Variants in PRTFDC1 observed in about 807,000 individuals in gnomAD.
PRTFDC1 encodes phosphoribosyltransferase domain-containing protein 1.
PRTFDC1 carries 38 observed loss-of-function variants against 34.6 expected under a neutral mutation model. The ratio of observed to expected loss-of-function variants is 1.10; its 90% confidence interval spans 0.85 to 1.44. The LOEUF (loss-of-function observed/expected upper bound fraction) is 1.44. Among genes scored for constraint, PRTFDC1 ranks in the 40% most tolerant of loss-of-function variants. The pLI, the probability that PRTFDC1 is intolerant of heterozygous loss-of-function variation, is 0.00. For missense variants in PRTFDC1, 270 were observed against 283.0 expected, an observed-to-expected ratio of 0.95 and a Z score of 0.33; for synonymous variants, 93 against 98.1, an observed-to-expected ratio of 0.95 and a Z score of 0.31.
chr10:24,889,789 C>T (rs970852874), intron 3 of PRTFDC1, among the ~76,000 whole-genome samples: 5 of 152,292 alleles, frequency 3.3e-5, no homozygotes, highest in African/African-American at 1.2e-4. Flanking sequence ...TGTTGATTGG[C>T]AGTGCAGGCT....
chr10:24,914,203 T>G (rs1848663754), intron 3 of PRTFDC1, among the ~76,000 whole-genome samples: 1 of 152,216 alleles, frequency 6.6e-6, no homozygotes, highest in African/African-American at 2.4e-5. Flanking sequence ...AACATTGTTT[T>G]AGGACACAGA....
intron 7 of PRTFDC1, among the ~76,000 whole-genome samples, chr10:24,851,796 T>C (rs539913697): frequency 6.6e-6 from 1 of 151,440 alleles, no homozygotes; most frequent in African/African-American, 2.4e-5. Flanking sequence ...AAGCAAGCAG[T>C]ATGCAGTGAT....
chr10:24,909,996 C>CAA (rs35102911), intron 3 of PRTFDC1, among the ~76,000 whole-genome samples: 6 of 135,038 alleles, frequency 4.4e-5, no homozygotes, highest in South Asian at 2.5e-4. Flanking sequence ...ATTAAAAATA[C>CAA]AAAAAAAAAA....
rs146693918 is a variant in PRTFDC1, at chr10:24,852,298, G to A, written c.554-834C>T. Among the ~76,000 whole-genome samples, 1,010 of 152,012 alleles carry A rather than the reference G, an allele frequency of 6.6e-3. 12 individuals are homozygous for A. Among genetic ancestry groups the A allele is most frequent in the African/African-American group, 0.022 (932 of 41,470 alleles). ...TTCCCGAGTAGCTGGGAAGACAGAC[G>A]TGTGCCACCATGCCAGGCTAATTTT... On this transcript the variant is annotated intron_variant, in intron 7 of 8. Coordinates refer to ENST00000320152, the MANE Select transcript of PRTFDC1 (RefSeq NM_020200.7).
At chr10:24,862,198 C>T (rs1318607806) in intron 4 of PRTFDC1, among the ~76,000 whole-genome samples, 1 of 152,064 alleles carries the variant, frequency 6.6e-6, no homozygotes. Flanking sequence ...TAACATCCAA[C>T]AAAAATGATG....
rs566783877 is a variant in PRTFDC1, at chr10:24,923,889, A to G, written c.339+13295T>C. Among the ~76,000 whole-genome samples the G allele has an allele frequency of 1.1e-3, 172 of 152,316 alleles. 2 individuals are homozygous for G. The highest frequency in any genetic ancestry group is 4.0e-3 in the African/African-American group (168 of 41,564). Reference sequence around the variant, plus strand: ...GAACATGTTCTAACTCATCGCAAGGAAGCTAAAAACCTTGAAAAAAGGTTA... The same window carrying G: ...GAACATGTTCTAACTCATCGCAAGGGAGCTAAAAACCTTGAAAAAAGGTTA... On this transcript the variant is annotated intron_variant, in intron 3 of 8. Coordinates refer to ENST00000320152, the MANE Select transcript of PRTFDC1 (RefSeq NM_020200.7).
intron 3 of PRTFDC1, among the ~76,000 whole-genome samples, chr10:24,882,122 G>A (rs1316365418): frequency 6.9e-6 from 1 of 145,792 alleles, no homozygotes; most frequent in African/African-American, 2.6e-5. Flanking sequence ...CAGGAGAATC[G>A]CTTGAATCCG....
intron 3 of PRTFDC1, among the ~76,000 whole-genome samples, chr10:24,877,332 C>A (rs1422653825): frequency 6.6e-6 from 1 of 152,010 alleles, no homozygotes; most frequent in Non-Finnish European, 1.5e-5. Context: ...TCCCACCAGG[C>A]CTAACCATGA....
chr10:24,929,995 A>G (rs1394988079), intron 3 of PRTFDC1, among the ~76,000 whole-genome samples: 1 of 152,156 alleles, frequency 6.6e-6, no homozygotes, highest in African/African-American at 2.4e-5. Flanking sequence ...TTGAAGTTGC[A>G]GTGAGCTATG....
chr10:24,886,383 C>T (rs1168870259), intron 3 of PRTFDC1, among the ~76,000 whole-genome samples: 1 of 152,152 alleles, frequency 6.6e-6, no homozygotes, highest in African/African-American at 2.4e-5. Flanking sequence ...GCCCAAGTTC[C>T]CACAGCTGGG....
intron 1 of PRTFDC1, among the ~76,000 whole-genome samples, chr10:24,947,386 T>C (rs1849266394): frequency 6.6e-6 from 1 of 152,208 alleles, no homozygotes; most frequent in Admixed American, 6.5e-5. Flanking sequence ...ATAACTGTTA[T>C]TCACTTGCTT....
intron 3 of PRTFDC1, among the ~76,000 whole-genome samples, chr10:24,896,359 G>A (rs2132546470): frequency 6.6e-6 from 1 of 152,256 alleles, no homozygotes; most frequent in East Asian, 1.9e-4. Flanking sequence ...GTTTCATCTG[G>A]AAACCATCCC....
At chr10:24,899,444 A>G (rs76381631) in intron 3 of PRTFDC1, among the ~76,000 whole-genome samples, 17,704 of 152,132 alleles carry the variant, frequency 0.12, 1,263 homozygotes, top group East Asian at 0.29. Flanking sequence ...AGCTCTGTAT[A>G]ACTATTCCCG....
At chr10:24,924,137 G>T (rs1848836032) in intron 3 of PRTFDC1, among the ~76,000 whole-genome samples, 1 of 152,212 alleles carries the variant, frequency 6.6e-6, no homozygotes, top group Non-Finnish European at 1.5e-5. Context: ...CAGTCTCCAA[G>T]AAATATAGGA....
chr10:24,902,847 G>T (rs1848470044), intron 3 of PRTFDC1, among the ~76,000 whole-genome samples: 1 of 152,174 alleles, frequency 6.6e-6, no homozygotes, highest in African/African-American at 2.4e-5. Context: ...TTTTAAGAAG[G>T]TCGTGAAAGA....
At chr10:24,853,209 C>T (rs558443433) in intron 7 of PRTFDC1, among the ~76,000 whole-genome samples, 4 of 151,974 alleles carry the variant, frequency 2.6e-5, no homozygotes, top group Non-Finnish European at 5.9e-5. Context: ...AATATGAAGC[C>T]GGGTGCGCAC....
At chr10:24,880,445 A>G (rs1329014496) in intron 3 of PRTFDC1, among the ~76,000 whole-genome samples, 1 of 152,022 alleles carries the variant, frequency 6.6e-6, no homozygotes, top group Non-Finnish European at 1.5e-5. Context: ...TTTAGTAGAG[A>G]TGGGGTTTCA....
intron 3 of PRTFDC1, among the ~76,000 whole-genome samples, chr10:24,919,787 A>T (rs1001507652): frequency 8.8e-5 from 13 of 147,192 alleles, no homozygotes; most frequent in African/African-American, 1.2e-4. Flanking sequence ...AATTTACATT[A>T]AAAAAAAACC....
At chr10:24,920,899 T>A (rs571875615) in intron 3 of PRTFDC1, among the ~76,000 whole-genome samples, 1 of 152,272 alleles carries the variant, frequency 6.6e-6, no homozygotes, top group South Asian at 2.1e-4. Flanking sequence ...ATTTCACTAA[T>A]CTTCTAAAAT....
Sources: gnomAD v4.1 joint callset for allele counts (sites outside exome capture counted in the v4.1 genomes callset) on GRCh38, gnomAD v4.1.1 for gene constraint, MANE v1.5 for transcripts, NCBI Gene and HGNC (gene_info 2026-07-23, HGNC 2026-07-21) for gene names.